The following DIAPH3 variants were observed in gnomAD, a reference collection of about 807,000 sequenced individuals.
The protein encoded by DIAPH3 is diaphanous related formin 3, also known as protein diaphanous homolog 3.
Under a neutral mutation model 144.3 loss-of-function variants are expected in DIAPH3, and 117 were observed. The observed-to-expected ratio is 0.81, with a 90% confidence interval of 0.70 to 0.95. The LOEUF (loss-of-function observed/expected upper bound fraction) is 0.95. DIAPH3 is among the 40% of genes least tolerant of loss of function. The probability of loss-of-function intolerance (pLI) is 0.00; values close to 1 mark genes in which losing one functional copy is unlikely to be tolerated. For synonymous variants in DIAPH3, 519 were observed against 488.9 expected (o/e 1.06, Z -0.81); for missense variants, 1,421 against 1,412.7 (o/e 1.01, Z -0.09).
At chr13:59,733,265 G>A (rs969883292) in intron 27 of DIAPH3, among the ~76,000 whole-genome samples, 2 of 152,138 alleles carry the variant, frequency 1.3e-5, no homozygotes, top group African/African-American at 4.8e-5. Flanking sequence ...ATATGAAAAT[G>A]TTCACTATTG....
intron 2 of DIAPH3, among the ~76,000 whole-genome samples, chr13:60,119,765 A>G (rs1243557629): frequency 2.6e-5 from 4 of 151,048 alleles, no homozygotes; most frequent in Non-Finnish European, 5.9e-5. Flanking sequence ...AAAAAAAAAA[A>G]AAAAAAGAAA....
intron 20 of DIAPH3, among the ~76,000 whole-genome samples, chr13:59,911,029 A>G (rs1356683672): frequency 2.6e-5 from 4 of 152,050 alleles, no homozygotes; most frequent in Non-Finnish European, 4.4e-5. Flanking sequence ...TGAAGATGAA[A>G]GGGAAAAAAT....
intron 4 of DIAPH3, among the ~76,000 whole-genome samples, chr13:60,086,740 T>C (rs77696572): frequency 0.049 from 7,423 of 152,220 alleles, 281 homozygotes; most frequent in African/African-American, 0.096. Context: ...CTTAATTTAC[T>C]TGTAACTGAC....
chr13:60,039,649 T>C (rs2055487343), intron 5 of DIAPH3, among the ~76,000 whole-genome samples: 1 of 152,132 alleles, frequency 6.6e-6, no homozygotes, highest in Non-Finnish European at 1.5e-5. Flanking sequence ...ACACCAGCAT[T>C]GGAAAACCAT....
intron 3 of DIAPH3, among the ~76,000 whole-genome samples, chr13:60,102,074 AT>A (rs2058284549): frequency 1.3e-5 from 2 of 151,914 alleles, no homozygotes; most frequent in African/African-American, 2.4e-5. Flanking sequence ...CTATAATTCC[AT>A]TTTCTGCTGT....
intron 1 of DIAPH3, among the ~76,000 whole-genome samples, chr13:60,161,228 A>C (rs1262426591): frequency 6.6e-6 from 1 of 152,222 alleles, no homozygotes; most frequent in African/African-American, 2.4e-5. Flanking sequence ...AAGATTTAGG[A>C]TAACGTCACT....
At chr13:59,862,489 T>A (rs1171186491) in intron 21 of DIAPH3, among the ~76,000 whole-genome samples, 15 of 152,014 alleles carry the variant, frequency 9.9e-5, no homozygotes, top group Non-Finnish European at 1.5e-5. Context: ...GCAGTCTGAA[T>A]GGAGGTTGTG....
At chr13:59,843,487 T>G (rs2042455535) in intron 22 of DIAPH3, among the ~76,000 whole-genome samples, 1 of 152,194 alleles carries the variant, frequency 6.6e-6, no homozygotes. Context: ...GGAACTATGC[T>G]CTTTATGATT....
At chr13:60,097,932 C>A (rs1395282936) in intron 3 of DIAPH3, among the ~76,000 whole-genome samples, 1 of 152,094 alleles carries the variant, frequency 6.6e-6, no homozygotes, top group African/African-American at 2.4e-5. Context: ...GGCAGTGGCA[C>A]TTAACTTCTG....
At chr13:59,782,998 A>G (rs1224361630) in intron 25 of DIAPH3, among the ~76,000 whole-genome samples, 3 of 152,174 alleles carry the variant, frequency 2.0e-5, no homozygotes, top group Non-Finnish European at 4.4e-5. Flanking sequence ...ATACCATGCT[A>G]TGGAGTTTAG....
intron 22 of DIAPH3, among the ~76,000 whole-genome samples, chr13:59,843,161 C>A (rs1036738097): frequency 6.6e-5 from 10 of 152,104 alleles, no homozygotes; most frequent in Admixed American, 5.2e-4. Context: ...CAGGAAATTC[C>A]AAAACTTCTA....
chr13:60,113,293 T>C (rs547275073), intron 2 of DIAPH3, among the ~76,000 whole-genome samples: 2 of 152,332 alleles, frequency 1.3e-5, no homozygotes, highest in South Asian at 4.1e-4. Flanking sequence ...AAAGTTTTAA[T>C]GGACAGAGCT....
At chr13:60,085,000 A>G (rs925193145) in intron 4 of DIAPH3, among the ~76,000 whole-genome samples, 21 of 152,144 alleles carry the variant, frequency 1.4e-4, no homozygotes, top group Admixed American at 5.2e-4. Context: ...GGAATAACTA[A>G]GAAATCAAAG....
chr13:59,992,254 T>A lies in DIAPH3; in HGVS notation c.1126-68A>T, dbSNP rs1594255340. On this transcript the variant is annotated intron_variant, in intron 10 of 27. Coordinates refer to ENST00000400324, the MANE Select transcript of DIAPH3 (RefSeq NM_001042517.2). ...TAATTATGCAAAAGAATAAAAAACATATAAACAATAAACCAACCATTCAAC... is the reference window on the plus strand; with the variant it reads ...TAATTATGCAAAAGAATAAAAAACAAATAAACAATAAACCAACCATTCAAC... 5.2e-6 allele frequency: 7 copies of A among 1,336,680 alleles called. No homozygotes were observed. The East Asian group carries it at 1.7e-4, about 33-fold the overall frequency. 82.8% of individuals were successfully genotyped at this position (1,336,680 alleles called of 1,614,324 possible).
At chr13:60,066,609 A>G (rs1489112709) in intron 4 of DIAPH3, among the ~76,000 whole-genome samples, 1 of 152,212 alleles carries the variant, frequency 6.6e-6, no homozygotes, top group Non-Finnish European at 1.5e-5. Context: ...TGTGTTTGAG[A>G]TATACTGTAG....
intron 20 of DIAPH3, among the ~76,000 whole-genome samples, chr13:59,888,556 G>C (rs1248534018): frequency 2.0e-5 from 3 of 151,856 alleles, no homozygotes; most frequent in Non-Finnish European, 4.4e-5. Context: ...GTTTGTCTAG[G>C]ATTAATACAT....
chr13:59,865,962 C>T (rs1463899005), intron 21 of DIAPH3, among the ~76,000 whole-genome samples: 1 of 151,968 alleles, frequency 6.6e-6, no homozygotes, highest in Non-Finnish European at 1.5e-5. Flanking sequence ...AATAACTCTA[C>T]TCCGCATCAT....
chr13:60,060,410 C>T (rs2056718945), intron 4 of DIAPH3, among the ~76,000 whole-genome samples: 1 of 152,008 alleles, frequency 6.6e-6, no homozygotes, highest in Admixed American at 6.6e-5. Context: ...TGGGAAAATG[C>T]CTGCATTGTT....
chr13:60,030,888 T>C (rs2054739643), intron 5 of DIAPH3, among the ~76,000 whole-genome samples: 1 of 152,216 alleles, frequency 6.6e-6, no homozygotes, highest in Non-Finnish European at 1.5e-5. Context: ...TTTGTCATTG[T>C]AGAAAGTTCT....
Sources: allele counts gnomAD v4.1 joint callset (sites outside exome capture counted in the v4.1 genomes callset), GRCh38; gene constraint gnomAD v4.1.1; transcripts MANE v1.5; gene names NCBI Gene and HGNC (gene_info 2026-07-23, HGNC 2026-07-21).